Variants in CXCL13 observed in about 807,000 individuals in gnomAD.
The protein encoded by CXCL13 is C-X-C motif chemokine 13.
A neutral mutation model predicts 12.2 loss-of-function variants in CXCL13; 7 were observed. The ratio of observed to expected loss-of-function variants is 0.57; its 90% CI spans 0.33 to 1.07. CXCL13 has a LOEUF of 1.07. Ranked by LOEUF, CXCL13 falls within the 50% of genes least tolerant of loss-of-function variation. The pLI is 0.04. For missense variants in CXCL13, 113 were observed against 127.4 expected (o/e 0.89, Z 0.55); for synonymous variants, 47 against 42.4 (o/e 1.11, Z -0.42).
At chr4:77,597,832 C>T (rs1221825096) in intron 1 of CXCL13, among the ~76,000 whole-genome samples, 2 of 152,146 alleles carry the variant, frequency 1.3e-5, no homozygotes, top group African/African-American at 2.4e-5. Context: ...CCAAGAGGCA[C>T]CTGCCCACCA....
At chr4:77,607,926 G>T in intron 2 of CXCL13, 91 bp downstream of exon 2, 3 of 1,302,756 alleles carry the variant, frequency 2.3e-6, no homozygotes, top group African/African-American at 1.5e-5. Flanking sequence ...CAAGAATGTC[G>T]AAGAGATTTA....
At chr4:77,543,355 T>C (rs974034029) in intron 1 of CXCL13, among the ~76,000 whole-genome samples, 7 of 152,164 alleles carry the variant, frequency 4.6e-5, no homozygotes, top group Non-Finnish European at 8.8e-5. Flanking sequence ...TGGATCTCAA[T>C]CATTCAGTAC....
intron 1 of CXCL13, among the ~76,000 whole-genome samples, chr4:77,559,921 C>CAA (rs751894798): frequency 0.34 from 25,806 of 76,814 alleles, 4,106 homozygotes; most frequent in African/African-American, 0.46. Context: ...GACTCCATCA[C>CAA]AAAAAAAAAA....
intron 1 of CXCL13, among the ~76,000 whole-genome samples, chr4:77,527,100 CACCGAAGAAG>C (rs1452853203): frequency 2.6e-5 from 4 of 152,212 alleles, no homozygotes; most frequent in African/African-American, 7.2e-5. Flanking sequence ...ACTGACATTT[CACCGAAGAAG>C]ACCTACAGAT....
intron 1 of CXCL13, among the ~76,000 whole-genome samples, chr4:77,522,680 G>T (rs539117051): frequency 3.0e-3 from 450 of 151,632 alleles, no homozygotes; most frequent in Admixed American, 5.1e-3. Flanking sequence ...CAGTTTGTGT[G>T]TTTTAATTGG....
At chr4:77,550,643 C>T (rs1725492608) in intron 1 of CXCL13, among the ~76,000 whole-genome samples, 1 of 152,134 alleles carries the variant, frequency 6.6e-6, no homozygotes, top group African/African-American at 2.4e-5. Context: ...TCCAATTGAT[C>T]AAATGTTGAA....
intron 1 of CXCL13, among the ~76,000 whole-genome samples, chr4:77,566,608 T>A (rs1042861661): frequency 1.3e-5 from 2 of 152,156 alleles, no homozygotes; most frequent in Non-Finnish European, 2.9e-5. Context: ...GTATTGAGGC[T>A]CTTGAAATTT....
intron 1 of CXCL13, among the ~76,000 whole-genome samples, chr4:77,522,939 A>C (rs997673307): frequency 2.0e-5 from 3 of 152,134 alleles, no homozygotes; most frequent in Non-Finnish European, 4.4e-5. Context: ...GCTTATCTGT[A>C]AAGGATTTTA....
intron 1 of CXCL13, among the ~76,000 whole-genome samples, chr4:77,580,484 G>A (rs1305548924): frequency 6.0e-5 from 9 of 150,436 alleles, no homozygotes; most frequent in Non-Finnish European, 8.9e-5. Context: ...CCACCACCAC[G>A]CACAGCTAAT....
Position 77,559,778 on chromosome 4 carries a change from C to G in CXCL13, c.-42-46046C>G, listed in dbSNP as rs528534216. ...TCTACTAAAAATACAAAAAATTAGT[C>G]GGGCATGGTGGCGGGTGCCTGTAGT... On this transcript the variant is annotated intron_variant, in intron 1 of 4. Transcript: ENST00000286758. Among the ~76,000 whole-genome samples the G allele has an allele frequency of 3.9e-5, 6 of 151,996 alleles. No homozygotes were observed. The East Asian group carries it at 7.7e-4, about 20-fold the overall frequency.
chr4:77,563,043 C>T (rs1725848792), intron 1 of CXCL13, among the ~76,000 whole-genome samples: 1 of 152,084 alleles, frequency 6.6e-6, no homozygotes, highest in African/African-American at 2.4e-5. Flanking sequence ...CTCTTTGGGT[C>T]CGCACTGCCT....
At chr4:77,548,214 A>T (rs555853052) in intron 1 of CXCL13, among the ~76,000 whole-genome samples, 13 of 152,338 alleles carry the variant, frequency 8.5e-5, no homozygotes, top group Non-Finnish European at 1.6e-4. Context: ...GAAAGAGACA[A>T]ATGGAGAGGA....
chr4:77,559,105 C>T (rs1471647738), intron 1 of CXCL13, among the ~76,000 whole-genome samples: 4 of 152,214 alleles, frequency 2.6e-5, no homozygotes, highest in African/African-American at 9.7e-5. Flanking sequence ...ACAACCATCT[C>T]ACGCTGGGAT....
In CXCL13 at chr4:77,527,349, G is replaced by T. The variant is rs78769254; in HGVS notation, c.-43+15561G>T. ...AACAGTTTTGCAGTTTCTTAAACAT[G>T]CAACTGGGCACAGTGACTCATGCCT... On this transcript the variant is annotated intron_variant, in intron 1 of 4. Transcript: ENST00000286758. Among the ~76,000 whole-genome samples, 835 of 152,258 alleles carry T rather than the reference G, an allele frequency of 5.5e-3. 12 individuals are homozygous for T. The highest frequency in any genetic ancestry group is 0.019 in the African/African-American group (803 of 41,554).
At chr4:77,534,618 C>T (rs992773061) in intron 1 of CXCL13, among the ~76,000 whole-genome samples, 1 of 152,170 alleles carries the variant, frequency 6.6e-6, no homozygotes, top group African/African-American at 2.4e-5. Flanking sequence ...GAATATGAAT[C>T]TACAATGATC....
At chr4:77,599,091 G>A (rs1056158836) in intron 1 of CXCL13, among the ~76,000 whole-genome samples, 1 of 151,874 alleles carries the variant, frequency 6.6e-6, no homozygotes, top group Admixed American at 6.5e-5. Context: ...TTACAGGCAT[G>A]AGCCACCGCA....
At chr4:77,512,256 A>C (rs1273880034) in intron 1 of CXCL13, among the ~76,000 whole-genome samples, 1 of 152,234 alleles carries the variant, frequency 6.6e-6, no homozygotes, top group Non-Finnish European at 1.5e-5. Context: ...TTACAGCATT[A>C]AATAAATTTA....
In CXCL13 at chr4:77,581,567, T is replaced by C. The variant is rs558911433; in HGVS notation, c.-42-24257T>C. ...AACCACCTCTTGCTAAGATTTGACT[T>C]AATTATTATACTATTACTCCCCATA... On this transcript the variant is annotated intron_variant, in intron 1 of 4. Transcript: ENST00000286758. Among the ~76,000 whole-genome samples the C allele has an allele frequency of 7.9e-5, 12 of 152,262 alleles. No individual in the cohort carries two copies. In the South Asian group the frequency reaches 2.5e-3, roughly 32 times the overall value.
At chr4:77,515,182 C>G (rs1466089588) in intron 1 of CXCL13, among the ~76,000 whole-genome samples, 3 of 152,192 alleles carry the variant, frequency 2.0e-5, no homozygotes, top group African/African-American at 4.8e-5. Context: ...GTTTTAGTAC[C>G]AGTGCCATGC....
Sources: allele counts gnomAD v4.1 joint callset (sites outside exome capture counted in the v4.1 genomes callset), GRCh38; gene constraint gnomAD v4.1.1; transcripts MANE v1.5; gene names NCBI Gene and HGNC (gene_info 2026-07-23, HGNC 2026-07-21).